Variants in SLC8A1 observed in about 807,000 individuals in gnomAD.
SLC8A1 encodes solute carrier family 8 member A1.
In SLC8A1, 18 loss-of-function variants were observed where a neutral mutation model predicts 68.3. That is an observed-to-expected ratio of 0.26 (90% CI 0.18 to 0.39). SLC8A1 has a LOEUF of 0.39. Ranked by LOEUF, SLC8A1 falls within the 10% of genes least tolerant of loss-of-function variation. The pLI, the probability that SLC8A1 is intolerant of heterozygous loss-of-function variation, is 1.00. For synonymous variants in SLC8A1, 475 were observed against 415.5 expected, an observed-to-expected ratio of 1.14 and a Z score of -1.74; for missense variants, 985 against 1,156.7, an observed-to-expected ratio of 0.85 and a Z score of 2.15.
At chr2:40,153,038 C>T (rs1008698084) in intron 6 of SLC8A1, among the ~76,000 whole-genome samples, 4 of 152,028 alleles carry the variant, frequency 2.6e-5, no homozygotes. Context: ...TTTGTCAGTA[C>T]ATTTCAAACC....
exon 2 of SLC8A1, chr2:40,429,608 T>G (rs752629190): frequency 9.9e-6 from 16 of 1,613,812 alleles, no homozygotes; most frequent in Non-Finnish European, 1.3e-5. Context: ...CCAGGAGATA[T>G]GACAGACAAA....
At chr2:40,268,787 A>G (rs552236594) in intron 2 of SLC8A1, among the ~76,000 whole-genome samples, 1 of 152,280 alleles carries the variant, frequency 6.6e-6, no homozygotes, top group South Asian at 2.1e-4. Context: ...GAGGTCAGAG[A>G]AAGTCCAACA....
chr2:40,296,900 G>A (rs913573919), intron 2 of SLC8A1, among the ~76,000 whole-genome samples: 7 of 152,118 alleles, frequency 4.6e-5, no homozygotes, highest in East Asian at 1.9e-4. Context: ...ACTGTTCTAT[G>A]GCTCTCCACT....
At chr2:40,238,465 G>A (rs1310775096) in intron 2 of SLC8A1, among the ~76,000 whole-genome samples, 33 of 151,824 alleles carry the variant, frequency 2.2e-4, no homozygotes, top group Non-Finnish European at 3.1e-4. Context: ...GCTTCGGCTC[G>A]CACACGGTGC....
intron 2 of SLC8A1, chr2:40,209,240 C>G (rs1326678357): frequency 6.6e-6 from 1 of 152,186 alleles, no homozygotes; most frequent in Non-Finnish European, 1.5e-5. Flanking sequence ...GAGAATGTGA[C>G]ATTTGAGAAA....
chr2:40,176,950 G>A (rs1430778010), intron 3 of SLC8A1, among the ~76,000 whole-genome samples: 1 of 152,098 alleles, frequency 6.6e-6, no homozygotes, highest in East Asian at 1.9e-4. Flanking sequence ...CTGTAAAGCT[G>A]ATACAAGATT....
chr2:40,196,431 G>A (rs577102875), intron 2 of SLC8A1, among the ~76,000 whole-genome samples: 70 of 152,048 alleles, frequency 4.6e-4, no homozygotes, highest in African/African-American at 1.7e-3. Context: ...CAGTTTTATG[G>A]AAGGAACATA....
At chr2:40,126,827 A>T (rs1291475931) in intron 7 of SLC8A1, among the ~76,000 whole-genome samples, 1 of 152,158 alleles carries the variant, frequency 6.6e-6, no homozygotes, top group East Asian at 1.9e-4. Context: ...TATAAGTACC[A>T]GTCTTACTCC....
chr2:40,294,351 C>T (rs749288210), intron 2 of SLC8A1, among the ~76,000 whole-genome samples: 8 of 152,014 alleles, frequency 5.3e-5, no homozygotes, highest in Non-Finnish European at 1.2e-4. Context: ...GTCTTCAAAA[C>T]AACAACAATC....
intron 2 of SLC8A1, among the ~76,000 whole-genome samples, chr2:40,212,845 T>C (rs2056850140): frequency 6.6e-6 from 1 of 152,232 alleles, no homozygotes; most frequent in Non-Finnish European, 1.5e-5. Flanking sequence ...ATCAGCCACA[T>C]GTAGACTTAG....
chr2:40,356,524 GA>G (rs572813358), intron 2 of SLC8A1, among the ~76,000 whole-genome samples: 2,421 of 135,218 alleles, frequency 0.018, 71 homozygotes, highest in African/African-American at 0.061. Flanking sequence ...AAGATACCAA[GA>G]AAAAAAAAAC....
intron 2 of SLC8A1, among the ~76,000 whole-genome samples, chr2:40,240,017 A>G (rs1365578241): frequency 1.3e-5 from 2 of 152,224 alleles, no homozygotes; most frequent in Admixed American, 1.3e-4. Flanking sequence ...AATGAAGCCA[A>G]CTGTGAAACC....
intron 1 of SLC8A1, among the ~76,000 whole-genome samples, chr2:40,467,852 T>C (rs1703784359): frequency 6.6e-6 from 1 of 152,184 alleles, no homozygotes; most frequent in Admixed American, 6.6e-5. Flanking sequence ...CAAAGTGATT[T>C]TTGACAACAA....
chr2:40,360,828 G>A (rs1490941705), intron 2 of SLC8A1, among the ~76,000 whole-genome samples: 1 of 152,154 alleles, frequency 6.6e-6, no homozygotes, highest in Non-Finnish European at 1.5e-5. Context: ...TCTTGCCATT[G>A]GTCCAGCACC....
chr2:40,200,256 A>ATATATATAAATATATATATATATT (rs1558723922), intron 2 of SLC8A1, among the ~76,000 whole-genome samples: 1 of 82,732 alleles, frequency 1.2e-5, no homozygotes, highest in South Asian at 4.2e-4. Flanking sequence ...ATATATATAT[A>ATATATATAAATATATATATATATT]TATATATATA....
chr2:40,236,914 T>G (rs1392648341), intron 2 of SLC8A1, among the ~76,000 whole-genome samples: 1 of 152,146 alleles, frequency 6.6e-6, no homozygotes, highest in African/African-American at 2.4e-5. Flanking sequence ...TCTTTAAGAA[T>G]GTTGAACATT....
intron 2 of SLC8A1, among the ~76,000 whole-genome samples, chr2:40,427,452 T>C (rs113100977): frequency 0.01 from 1,548 of 152,206 alleles, 22 homozygotes; most frequent in African/African-American, 0.035. Context: ...TAATCATTCA[T>C]TTTAACGTCG....
At chr2:40,339,382 C>T (rs1056605257) in intron 2 of SLC8A1, among the ~76,000 whole-genome samples, 3 of 152,160 alleles carry the variant, frequency 2.0e-5, no homozygotes, top group African/African-American at 7.2e-5. Flanking sequence ...CACTGTGAGC[C>T]TCTCTGATGA....
At chr2:40,387,483 C>T (rs756998982) in intron 2 of SLC8A1, among the ~76,000 whole-genome samples, 5 of 151,198 alleles carry the variant, frequency 3.3e-5, no homozygotes, top group South Asian at 2.1e-4. Context: ...TACAAAACAT[C>T]GCAGACAAAC....
Sources: allele counts gnomAD v4.1 joint callset (sites outside exome capture counted in the v4.1 genomes callset), GRCh38; gene constraint gnomAD v4.1.1; transcripts MANE v1.5; gene names NCBI Gene and HGNC (gene_info 2026-07-23, HGNC 2026-07-21).